Variants in DOCK10 observed in about 807,000 individuals in gnomAD.
The protein encoded by DOCK10 is dedicator of cytokinesis protein 10.
Under a neutral mutation model 280.1 loss-of-function variants are expected in DOCK10, and 145 were observed. The observed-to-expected ratio is 0.52, with a 90% CI of 0.45 to 0.59. DOCK10 has a LOEUF of 0.59. Among genes scored for constraint, DOCK10 ranks in the 20% least tolerant of loss-of-function variants. The pLI, the probability that DOCK10 is intolerant of heterozygous loss-of-function variation, is 0.00. For missense variants in DOCK10, 2,368 were observed against 2,651.7 expected (o/e 0.89, Z 2.35); for synonymous variants, 915 against 942.2 (o/e 0.97, Z 0.53).
intron 51 of DOCK10, among the ~76,000 whole-genome samples, chr2:224,776,419 G>C (rs1197235602): frequency 6.6e-6 from 1 of 152,054 alleles, no homozygotes; most frequent in Non-Finnish European, 1.5e-5. Flanking sequence ...TACCAAATTT[G>C]GCATTTTCTC....
chr2:224,769,521 C>T (rs899849851), intron 55 of DOCK10, among the ~76,000 whole-genome samples: 11 of 152,132 alleles, frequency 7.2e-5, no homozygotes, highest in Non-Finnish European at 1.6e-4. Context: ...GATGAGATGT[C>T]CAGGTAGAGT....
In DOCK10 at chr2:224,765,786, G is replaced by C; in HGVS notation, c.6496C>G (p.Arg2166Gly). Residue 2166 changes from arginine to glycine, a missense_variant, in exon 56 of 56, where the codon CGA becomes GGA. Arg to Gly is a moderately radical substitution (Grantham distance 125). Around this residue, in one of 2 missense-constraint regions of DOCK10, gnomAD observed 1,159 missense variants for 1,400.8 expected, o/e 0.83. Transcript: ENST00000258390. ...GCCGGAGTTGCTTTGCTAATTACTC[G>C]AGTGCAGGTTTGGTCCACTCCGCGC... is the stretch of plus-strand genomic sequence containing the variant. Reference protein sequence around the residue: ...SKRGVDQTCTRVISKATPALP... With the variant: ...SKRGVDQTCTGVISKATPALP... The C allele has an allele frequency of 6.2e-7, 1 of 1,613,784 alleles. No individual in the cohort carries two copies. The highest frequency in any genetic ancestry group is 8.5e-7 in the Non-Finnish European group (1 of 1,179,862).
At position 224,774,981 on chromosome 2, in the gene DOCK10, G is replaced by A. The variant is rs185653208; in HGVS notation, c.5937C>T (p.Phe1979=). Residue 1979 remains phenylalanine, a synonymous_variant, in exon 52 of 56, where the codon TTC becomes TTT. Transcript: ENST00000258390. ...TGCCCGACAGCGTGAAGGGTGTCTCGAAGACAAAGCGGTTGATGTTGTGGT... is the reference window on the plus strand; with the variant it reads ...TGCCCGACAGCGTGAAGGGTGTCTCAAAGACAAAGCGGTTGATGTTGTGGT... The part of the protein sequence containing the change: ...EMHHNINRFV[F]ETPFTLSGKK... 1.4e-3 allele frequency: 2,274 copies of A among 1,612,938 alleles called. 22 individuals are homozygous for A. The South Asian group carries it at 0.015, about 11-fold the overall frequency.
At chr2:224,838,981 A>G (rs1370181701) in intron 24 of DOCK10, among the ~76,000 whole-genome samples, 1 of 152,222 alleles carries the variant, frequency 6.6e-6, no homozygotes, top group East Asian at 1.9e-4. Context: ...TTAAATATCA[A>G]ACATGCAACC....
At chr2:225,007,993 A>G (rs1233545524) in intron 1 of DOCK10, among the ~76,000 whole-genome samples, 1 of 152,174 alleles carries the variant, frequency 6.6e-6, no homozygotes, top group African/African-American at 2.4e-5. Flanking sequence ...ATAAAAGTAA[A>G]GTGACTTTCC....
intron 1 of DOCK10, among the ~76,000 whole-genome samples, chr2:224,955,637 A>G (rs568035598): frequency 6.6e-6 from 1 of 152,374 alleles, no homozygotes; most frequent in East Asian, 1.9e-4. Context: ...AATGCCTTGC[A>G]TTGTGGAAAT....
rs1001246879 is a variant in DOCK10 at position 224,806,193 on chromosome 2, C to T, written c.3747G>A (p.Gln1249=). Residue 1249 remains glutamine (Q), a synonymous_variant, in exon 34 of 56, where the codon CAG becomes CAA. Transcript: ENST00000258390. ...CAGAGTTTGCATGTTTGATAGCTGT[C>T]TGGCTTTGAAATCCTCCATTGGTGC... ...DLSTNGGFQS[Q]TAIKHANSVD... 1 of 1,611,156 alleles carries T rather than the reference C, an allele frequency of 6.2e-7. No homozygotes were observed. Among genetic ancestry groups the T allele is most frequent in the Non-Finnish European group, 8.5e-7 (1 of 1,178,334 alleles).
chr2:224,892,279 A>T (rs1699717937), intron 4 of DOCK10, among the ~76,000 whole-genome samples: 1 of 151,450 alleles, frequency 6.6e-6, no homozygotes, highest in South Asian at 2.1e-4. Flanking sequence ...TACACCTGTA[A>T]TCCCACCTAA....
intron 14 of DOCK10, among the ~76,000 whole-genome samples, chr2:224,857,894 T>C (rs972079423): frequency 4.6e-5 from 7 of 152,156 alleles, no homozygotes; most frequent in Non-Finnish European, 1.0e-4. Flanking sequence ...TCAGATTAAA[T>C]AGCTTTAGTG....
Position 224,765,470 on chromosome 2 carries a change from G to T in DOCK10, c.*251C>A. 2.6e-6 allele frequency: 1 copy of T among 391,408 alleles called. No homozygotes were observed. The highest frequency in any genetic ancestry group is 4.6e-6 in the Non-Finnish European group (1 of 216,100). The allele number at this position is 391,408 out of a possible 1,614,324, so 24.2% of individuals were successfully genotyped here. ...ATAACTGACAGCAAACTTAGGGTTTGCATTTGAGCTACACATTCACTGGAA... is the reference window on the plus strand; with the variant it reads ...ATAACTGACAGCAAACTTAGGGTTTTCATTTGAGCTACACATTCACTGGAA... On this transcript the variant is annotated 3_prime_UTR_variant, in exon 56 of 56. Transcript: ENST00000258390.
At chr2:224,829,432 C>T (rs576443056) in intron 27 of DOCK10, among the ~76,000 whole-genome samples, 2 of 152,144 alleles carry the variant, frequency 1.3e-5, no homozygotes, top group Non-Finnish European at 2.9e-5. Flanking sequence ...TCTTCCCCAC[C>T]AAAAGAGTAA....
chr2:224,773,350 G>A lies in DOCK10; in HGVS notation c.6014-3C>T, dbSNP rs1416161685. 1.3e-5 allele frequency: 21 copies of A among 1,604,792 alleles called. No homozygotes were observed. Among genetic ancestry groups the A allele is most frequent in the Non-Finnish European group, 1.7e-5 (20 of 1,175,018 alleles). ...CACGTAGGGGAACAGGTGACTCGCT[G>A]TACAAAAGCCATACAAAGGGATTTC... is the stretch of plus-strand genomic sequence containing the variant. On this transcript the variant is annotated splice_polypyrimidine_tract_variant and splice_region_variant and intron_variant, in intron 52 of 55. Transcript: ENST00000258390.
intron 55 of DOCK10, among the ~76,000 whole-genome samples, chr2:224,766,767 AT>A (rs1690100680): frequency 1.3e-5 from 2 of 152,240 alleles, no homozygotes; most frequent in Admixed American, 1.3e-4. Context: ...CTGAATGCTT[AT>A]ATGCATTACT....
intron 1 of DOCK10, among the ~76,000 whole-genome samples, chr2:225,010,173 C>G (rs1431709846): frequency 6.6e-6 from 1 of 152,114 alleles, no homozygotes; most frequent in African/African-American, 2.4e-5. Flanking sequence ...CATCTGCCAG[C>G]AACCAAGCCA....
chr2:224,868,850 A>G (rs1353639041), intron 11 of DOCK10, among the ~76,000 whole-genome samples: 2 of 152,212 alleles, frequency 1.3e-5, no homozygotes, highest in Non-Finnish European at 2.9e-5. Flanking sequence ...ATTACAGAAA[A>G]ACAACTAAAG....
chr2:224,853,374 C>A (rs1216368784), intron 16 of DOCK10, among the ~76,000 whole-genome samples: 1 of 152,140 alleles, frequency 6.6e-6, no homozygotes, highest in Non-Finnish European at 1.5e-5. Flanking sequence ...TAACTATTTT[C>A]TTTTTGTATT....
Position 224,808,016 on chromosome 2 carries a change from T to C in DOCK10, c.3480A>G (p.Glu1160=), listed in dbSNP as rs549977831. The change falls in exon 32 of 56, where the codon GAA becomes GAG. Residue 1160 remains glutamate, a synonymous_variant. Transcript: ENST00000258390. The part of the protein sequence containing the change: ...KHFLIGILLR[E]VGFALQEDQD... Reference sequence around the variant, plus strand: ...GGTCTTCCTGCAGGGCAAAGCCAACTTCTCGGAGCAGAATTCCGATTAAGA... The same window carrying C: ...GGTCTTCCTGCAGGGCAAAGCCAACCTCTCGGAGCAGAATTCCGATTAAGA... 24 of 1,612,930 alleles carry C rather than the reference T, an allele frequency of 1.5e-5. No homozygotes were observed. In the African/African-American group the frequency reaches 2.9e-4, roughly 20 times the overall value.
At chr2:224,972,845 A>C (rs57462780) in intron 1 of DOCK10, among the ~76,000 whole-genome samples, 27,605 of 152,202 alleles carry the variant, frequency 0.18, 2,890 homozygotes, top group African/African-American at 0.3. Context: ...AAAACAGAAG[A>C]AACTGAAAGT....
At position 224,926,541 on chromosome 2, in the gene DOCK10, A is replaced by C. The variant is rs1702054742; in HGVS notation, c.243+5008T>G. Among the ~76,000 whole-genome samples the C allele has an allele frequency of 2.0e-5, 3 of 152,356 alleles. No homozygotes were observed. The South Asian group carries it at 6.2e-4, about 32-fold the overall frequency. ...AGCGAGACTCCATCTCTTTAAAAAA[A>C]AGTGTTAAAAGGAGGAAACTAAGCT... is the stretch of plus-strand genomic sequence containing the variant. On this transcript the variant is annotated intron_variant, in intron 2 of 55. Coordinates refer to ENST00000258390, the MANE Select transcript of DOCK10 (RefSeq NM_014689.3).
Sources: gnomAD v4.1 joint callset for allele counts (sites outside exome capture counted in the v4.1 genomes callset) on GRCh38, gnomAD v4.1.1 for gene constraint, gnomAD v4.1.1 regional missense constraint, MANE v1.5 for transcripts, NCBI Gene and HGNC (gene_info 2026-07-23, HGNC 2026-07-21) for gene names.